PIMREG: variants seen among roughly 807,000 people sequenced by gnomAD.
The protein encoded by PIMREG is protein PIMREG.
In PIMREG, 19 loss-of-function variants were observed where a neutral mutation model predicts 24.3. The observed-to-expected ratio is 0.78, with a 90% CI of 0.54 to 1.15. The LOEUF is 1.15. Ranked by LOEUF, PIMREG falls within the 50% of genes most tolerant of loss-of-function variation. The pLI, the probability that PIMREG is intolerant of heterozygous loss-of-function variation, is 0.00. For synonymous variants in PIMREG, 112 were observed against 124.1 expected, an observed-to-expected ratio of 0.90 and a Z score of 0.65; for missense variants, 283 against 306.8, an observed-to-expected ratio of 0.92 and a Z score of 0.58.
Position 6,444,936 on chromosome 17 carries a change from C to T in PIMREG, c.-35-140C>T, listed in dbSNP as rs1913512027. 1 of 563,652 alleles carries T rather than the reference C, an allele frequency of 1.8e-6. No individual in the cohort carries two copies. The highest frequency in any genetic ancestry group is 3.1e-5 in the East Asian group (1 of 31,792). 34.9% of individuals were successfully genotyped at this position (563,652 alleles called of 1,614,324 possible). On this transcript the variant is annotated intron_variant, in intron 1 of 5. Coordinates refer to ENST00000572447, the MANE Select transcript of PIMREG (RefSeq NM_019013.3). The surrounding 1 kb of genome is among the most constrained non-coding windows in gnomAD (Gnocchi z 4.3). ...CCCTCTTCCAGGAAGCATCCTCCTT[C>T]CTGCACCCACACTTACCAACTCGCC...
At chr17:6,449,071 G>C (rs1322727476) in intron 3 of PIMREG, among the ~76,000 whole-genome samples, 1 of 152,230 alleles carries the variant, frequency 6.6e-6, no homozygotes, top group East Asian at 1.9e-4. Context: ...CACCTGGAGA[G>C]CTGAGGCTCA....
Position 6,447,774 on chromosome 17 carries a change from C to A in PIMREG, c.590+16C>A. On this transcript the variant is annotated intron_variant, in intron 3 of 5. Transcript: ENST00000572447. ...GCTCTCCCAGGCAAGTGGGATAGTG[C>A]TTCACCCCGGGGCTGGTGGCCTTTT... is the stretch of plus-strand genomic sequence containing the variant. 1 of 1,581,010 alleles carries A rather than the reference C, an allele frequency of 6.3e-7. No individual in the cohort carries two copies. Among genetic ancestry groups the A allele is most frequent in the Non-Finnish European group, 8.6e-7 (1 of 1,159,184 alleles).
chr17:6,445,006 G>C, intron 1 of PIMREG, 70 bp from the exon 2 acceptor site: 1 of 1,274,160 alleles, frequency 7.8e-7, no homozygotes, highest in Non-Finnish European at 1.0e-6. Context: ...CCTGTGTCCA[G>C]GGTCTCTGTG....
chr17:6,447,367 C>G, intron 2 of PIMREG, 96 bp from the exon 3 acceptor site: 1 of 1,341,520 alleles, frequency 7.5e-7, no homozygotes, highest in Non-Finnish European at 1.0e-6. Flanking sequence ...CTGCCTGCCT[C>G]GGCCTCCCAA....
chr17:6,447,426 T>A, intron 2 of PIMREG, 37 bp from the exon 3 acceptor site: 1 of 1,592,578 alleles, frequency 6.3e-7, no homozygotes, highest in Non-Finnish European at 8.6e-7. Flanking sequence ...TAACTTTTGG[T>A]TTTGTCTGTG....
At position 6,450,369 on chromosome 17, in the gene PIMREG, GC is replaced by G. The variant is rs1294300527; in HGVS notation, c.*25del. The G allele has an allele frequency of 1.9e-6, 3 of 1,561,862 alleles. No individual in the cohort carries two copies. Among genetic ancestry groups the G allele is most frequent in the African/African-American group, 2.7e-5 (2 of 74,138 alleles). On this transcript the variant is annotated 3_prime_UTR_variant, in exon 6 of 6. Transcript: ENST00000572447. ...GGCAGCTCTGTCTTGAAGGAAACAAGCCCTGTCTGACCGCCAAGGCTTCATA... is the reference window on the plus strand; with the variant it reads ...GGCAGCTCTGTCTTGAAGGAAACAAGCCTGTCTGACCGCCAAGGCTTCATA...
chr17:6,449,457 C>T (rs900713466), intron 4 of PIMREG, 50 bp downstream of exon 4: 2 of 1,536,696 alleles, frequency 1.3e-6, no homozygotes, highest in Non-Finnish European at 1.8e-6. Flanking sequence ...AGGGCCCCTC[C>T]AGCCATCTTT....
Position 6,450,379 on chromosome 17 carries a change from AC to A in PIMREG, c.*34del. The stretch of plus-strand genomic sequence containing the variant: ...TCTTGAAGGAAACAAGCCCTGTCTG[AC>A]CGCCAAGGCTTCATACTCAAGGATG... On this transcript the variant is annotated 3_prime_UTR_variant, in exon 6 of 6. Coordinates refer to ENST00000572447, the MANE Select transcript of PIMREG (RefSeq NM_019013.3). 1 of 1,566,044 alleles carries A rather than the reference AC, an allele frequency of 6.4e-7. No individual in the cohort carries two copies. Among genetic ancestry groups the A allele is most frequent in the Admixed American group, 1.8e-5 (1 of 54,728 alleles).
chr17:6,450,024 C>T lies in PIMREG; in HGVS notation c.687-4C>T. 6.2e-7 allele frequency: 1 copy of T among 1,614,090 alleles called. No homozygotes were observed. Reference sequence around the variant, plus strand: ...GTGGCATCAATCCCTCCCCTTCTCTCTAGTGGTGACATCGTCTCTCTCATT... The same window carrying T: ...GTGGCATCAATCCCTCCCCTTCTCTTTAGTGGTGACATCGTCTCTCTCATT... On this transcript the variant is annotated splice_region_variant and splice_polypyrimidine_tract_variant and intron_variant, in intron 4 of 5. Transcript: ENST00000572447.
At chr17:6,448,678 G>A (rs1426553524) in intron 3 of PIMREG, among the ~76,000 whole-genome samples, 1 of 152,150 alleles carries the variant, frequency 6.6e-6, no homozygotes, top group Non-Finnish European at 1.5e-5. Flanking sequence ...TCTCAGACAG[G>A]CCCAGAAAGT....
Position 6,450,500 on chromosome 17 carries a change from C to A in PIMREG, c.*153C>A. ...CAAGCACCTAACAAGGGGCCCAGAG[C>A]CCCCTGCTCCAGCCACATCTGGACC... On this transcript the variant is annotated 3_prime_UTR_variant, in exon 6 of 6. Coordinates refer to ENST00000572447, the MANE Select transcript of PIMREG (RefSeq NM_019013.3). The A allele has an allele frequency of 8.6e-7, 1 of 1,159,756 alleles. No individual in the cohort carries two copies. Among genetic ancestry groups the A allele is most frequent in the Non-Finnish European group, 1.2e-6 (1 of 821,416 alleles). 71.8% of individuals were successfully genotyped at this position (1,159,756 alleles called of 1,614,324 possible). A position where few individuals can be genotyped will look rare whatever the true frequency, so the allele number is the denominator to read the frequency against.
intron 2 of PIMREG, 129 bp downstream of exon 2, chr17:6,445,533 TC>T: frequency 2.2e-6 from 2 of 927,188 alleles, no homozygotes; most frequent in Non-Finnish European, 1.6e-6. Context: ...CACTGCTGTT[TC>T]CCCACCACCC....
chr17:6,449,916 A>G, intron 4 of PIMREG, 112 bp from the exon 5 acceptor site: 1 of 1,430,962 alleles, frequency 7.0e-7, no homozygotes, highest in South Asian at 1.2e-5. Context: ...CTATGTGTTG[A>G]GGGGCCATAT....
At position 6,449,958 on chromosome 17, in the gene PIMREG, A is replaced by G. The variant is rs1013258796; in HGVS notation, c.687-70A>G. The G allele has an allele frequency of 2.0e-6, 3 of 1,537,674 alleles. No individual in the cohort carries two copies. The African/African-American group carries it at 4.1e-5, about 21-fold the overall frequency. On this transcript the variant is annotated intron_variant, in intron 4 of 5. Transcript: ENST00000572447. ...CACATTTCCGGGTCTGATCTTGTGT[A>G]GCTCAGGCTGGGAGGGCCCTCTCAG...
intron 2 of PIMREG, among the ~76,000 whole-genome samples, chr17:6,445,650 T>C (rs181629654): frequency 1.5e-4 from 23 of 152,358 alleles, no homozygotes; most frequent in African/African-American, 5.5e-4. Context: ...ATAAGAGCTG[T>C]ACGTGATAGG....
chr17:6,450,774 T>C lies in PIMREG; in HGVS notation c.*427T>C, dbSNP rs139294027. 1,291 of 248,646 alleles carry C rather than the reference T, an allele frequency of 5.2e-3. 25 individuals carry two copies. The highest frequency in any genetic ancestry group is 0.027 in the African/African-American group (1,194 of 45,006). The allele number at this position is 248,646 out of a possible 1,614,324, so 15.4% of individuals were successfully genotyped here. A position where few individuals can be genotyped will look rare whatever the true frequency, so the allele number is the denominator to read the frequency against. ...CAGAGTCACTCACCCACTGTGTTTC[T>C]GGTGCCAAGGCTCTTGAGGGCCCCA... On this transcript the variant is annotated 3_prime_UTR_variant, in exon 6 of 6. Coordinates refer to ENST00000572447, the MANE Select transcript of PIMREG (RefSeq NM_019013.3).
At chr17:6,449,487 G>A (rs1913724994) in intron 4 of PIMREG, 80 bp downstream of exon 4, 6 of 1,304,944 alleles carry the variant, frequency 4.6e-6, no homozygotes, top group Non-Finnish European at 6.3e-6. Context: ...CGTTGGTTCT[G>A]CTCTGACCTG....
intron 2 of PIMREG, 21 bp downstream of exon 2, chr17:6,445,425 C>G: frequency 1.9e-6 from 3 of 1,583,140 alleles, no homozygotes; most frequent in Non-Finnish European, 2.6e-6. Flanking sequence ...CAACACTAAT[C>G]ATCTTTTTTA....
At position 6,451,178 on chromosome 17, in the gene PIMREG, G is replaced by C. The variant is rs370395161; in HGVS notation, c.*831G>C. ...TCTGGCCCTCATCCACCTCTGCTCC[G>C]AGCCAGTCTGCCCCCAATCCCACCC... On this transcript the variant is annotated 3_prime_UTR_variant, in exon 6 of 6. Transcript: ENST00000572447. 1 of 151,806 alleles carries C rather than the reference G, an allele frequency of 6.6e-6. No individual in the cohort carries two copies. Among genetic ancestry groups the C allele is most frequent in the Non-Finnish European group, 1.5e-5 (1 of 67,970 alleles). The allele number at this position is 151,806 out of a possible 1,614,324, so 9.4% of individuals were successfully genotyped here.
Sources: gnomAD v4.1 joint callset for allele counts (sites outside exome capture counted in the v4.1 genomes callset) on GRCh38, gnomAD v4.1.1 for gene constraint, Gnocchi (gnomAD v3.1) non-coding constraint, MANE v1.5 for transcripts, NCBI Gene and HGNC (gene_info 2026-07-23, HGNC 2026-07-21) for gene names.